IL1RL2: variants seen among roughly 807,000 people sequenced by gnomAD.
IL1RL2 encodes interleukin-1 receptor-like 2.
Under a neutral mutation model 66.8 loss-of-function variants are expected in IL1RL2, and 68 were observed. The observed-to-expected ratio is 1.02, with a 90% confidence interval of 0.84 to 1.25. IL1RL2 has a LOEUF of 1.25. Ranked by LOEUF, IL1RL2 falls within the 50% of genes most tolerant of loss-of-function variation. IL1RL2 has a pLI of 0.00. For synonymous variants in IL1RL2, 305 were observed against 264.6 expected, an observed-to-expected ratio of 1.15 and a Z score of -1.48; for missense variants, 729 against 709.3, an observed-to-expected ratio of 1.03 and a Z score of -0.32.
chr2:102,226,703 C>T (rs1372658983), intron 9 of IL1RL2, among the ~76,000 whole-genome samples: 4 of 147,922 alleles, frequency 2.7e-5, no homozygotes, highest in African/African-American at 1.0e-4. Context: ...GGAGGGAAAA[C>T]GGAGGGAAGA....
At chr2:102,188,943 C>G in intron 2 of IL1RL2, 133 bp from the exon 3 acceptor site, 1 of 643,076 alleles carries the variant, frequency 1.6e-6, no homozygotes, top group East Asian at 2.7e-5. Context: ...AGGAAACTTC[C>G]AGACTCAAGA....
chr2:102,234,786 C>CAAA, intron 10 of IL1RL2, 111 bp from the exon 11 acceptor site: 3 of 803,636 alleles, frequency 3.7e-6, no homozygotes, highest in Non-Finnish European at 5.5e-6. Flanking sequence ...GACTTCACTT[C>CAAA]AAAAAAAAAA....
At chr2:102,217,669 C>T (rs1308105455) in intron 6 of IL1RL2, among the ~76,000 whole-genome samples, 1 of 152,128 alleles carries the variant, frequency 6.6e-6, no homozygotes, top group East Asian at 1.9e-4. Context: ...GTGCCAGGAA[C>T]ACACATTAAA....
intron 5 of IL1RL2, among the ~76,000 whole-genome samples, chr2:102,210,841 G>C (rs1265869438): frequency 6.6e-6 from 1 of 152,192 alleles, no homozygotes; most frequent in Non-Finnish European, 1.5e-5. Flanking sequence ...ATGGAGCTTA[G>C]AGGAAGGACT....
At chr2:102,209,576 G>T (rs1688983275) in intron 5 of IL1RL2, among the ~76,000 whole-genome samples, 1 of 152,076 alleles carries the variant, frequency 6.6e-6, no homozygotes, top group African/African-American at 2.4e-5. Flanking sequence ...TGTGAGTATG[G>T]GGTGGGGAGG....
At chr2:102,216,917 G>A (rs555568624) in intron 6 of IL1RL2, among the ~76,000 whole-genome samples, 20 of 152,136 alleles carry the variant, frequency 1.3e-4, no homozygotes, top group East Asian at 5.8e-4. Context: ...TATACATTGC[G>A]TGTTCTTTAA....
intron 4 of IL1RL2, among the ~76,000 whole-genome samples, chr2:102,192,684 C>T (rs1208247675): frequency 6.6e-6 from 1 of 152,166 alleles, no homozygotes; most frequent in East Asian, 1.9e-4. Context: ...TCTTGATGAT[C>T]CTGGCATATG....
chr2:102,241,370 T>A (rs1488842789), downstream of IL1RL2, among the ~76,000 whole-genome samples: 2 of 152,110 alleles, frequency 1.3e-5, no homozygotes, highest in Non-Finnish European at 1.5e-5. Context: ...GCCCCTGGAC[T>A]CCAGTCACAA....
At position 102,234,904 on chromosome 2, in the gene IL1RL2, C is replaced by A. The variant is rs767353143; in HGVS notation, c.1305C>A (p.Ala435=). 1 of 1,611,012 alleles carries A rather than the reference C, an allele frequency of 6.2e-7. No individual in the cohort carries two copies. Among genetic ancestry groups the A allele is most frequent in the East Asian group, 2.2e-5 (1 of 44,790 alleles). ...TTCTTTCTTTATTTCCAGCCGTGGCCAATGTCATCGATGAAAACGTTAAGC... is the reference window on the plus strand; with the variant it reads ...TTCTTTCTTTATTTCCAGCCGTGGCAAATGTCATCGATGAAAACGTTAAGC... ...GRDEFPGQAV[A]NVIDENVKLC... Residue 435 remains alanine (A), a synonymous_variant, in exon 11 of 12, where the codon GCC becomes GCA. Coordinates refer to ENST00000264257, the MANE Select transcript of IL1RL2 (RefSeq NM_003854.4).
rs181132591 is a variant in IL1RL2 at position 102,209,461 on chromosome 2, A to C, written c.650-2639A>C. The stretch of plus-strand genomic sequence containing the variant: ...TTCACAAAAGTAAAGGAGGGTGAGG[A>C]GGGGTCTCTAGGCAGAGAGAACAGA... On this transcript the variant is annotated intron_variant, in intron 5 of 11. Transcript: ENST00000264257. Among the ~76,000 whole-genome samples, 233 of 152,110 alleles carry C rather than the reference A, an allele frequency of 1.5e-3. 1 individual carries two copies. Among genetic ancestry groups the C allele is most frequent in the Non-Finnish European group, 2.6e-3 (180 of 68,016 alleles).
At chr2:102,231,544 C>T (rs886325672) in intron 9 of IL1RL2, among the ~76,000 whole-genome samples, 16 of 146,880 alleles carry the variant, frequency 1.1e-4, no homozygotes, top group African/African-American at 1.8e-4. Flanking sequence ...AATCCAGGAG[C>T]GGTCCCATGT....
downstream of IL1RL2, among the ~76,000 whole-genome samples, chr2:102,241,698 T>C (rs933049775): frequency 1.3e-5 from 2 of 152,340 alleles, no homozygotes; most frequent in African/African-American, 2.4e-5. Context: ...AATTATCCTA[T>C]ATCCTCTCCA....
chr2:102,221,745 C>T (rs1052569211), intron 8 of IL1RL2, among the ~76,000 whole-genome samples: 1 of 152,184 alleles, frequency 6.6e-6, no homozygotes, highest in Admixed American at 6.5e-5. Context: ...TGTCACTCAA[C>T]CTCTCTGTGC....
At chr2:102,187,301 G>A (rs1686765931) in intron 1 of IL1RL2, 6 of 1,174,850 alleles carry the variant, frequency 5.1e-6, no homozygotes, top group African/African-American at 1.6e-5. Context: ...AGCTCCAGCG[G>A]CTCCCTGCCT....
Position 102,189,873 on chromosome 2 carries a change from C to T in IL1RL2, c.293+563C>T, listed in dbSNP as rs1225203065. On this transcript the variant is annotated intron_variant, in intron 3 of 11. Coordinates refer to ENST00000264257, the MANE Select transcript of IL1RL2 (RefSeq NM_003854.4). ...TTCACCGTGTTAGCTAGGATGATCT[C>T]GAGCTACTGAACTCGTGATCCGCCC... Among the ~76,000 whole-genome samples, 3 of 152,280 alleles carry T rather than the reference C, an allele frequency of 2.0e-5. 1 individual carries two copies. The highest frequency in any genetic ancestry group is 7.2e-5 in the African/African-American group (3 of 41,566).
chr2:102,203,134 C>T (rs1922300), intron 5 of IL1RL2, among the ~76,000 whole-genome samples: 148,671 of 152,320 alleles, frequency 0.98, 72,572 homozygotes, highest in East Asian at 1. Flanking sequence ...ATTGCAATGA[C>T]CATATGGTTT....
At chr2:102,200,117 CAAAAAAAA>C (rs35208716) in intron 4 of IL1RL2, among the ~76,000 whole-genome samples, 1 of 95,148 alleles carries the variant, frequency 1.1e-5, no homozygotes, top group Non-Finnish European at 2.1e-5. Flanking sequence ...CCTGTTCCAG[CAAAAAAAA>C]AAAAAAAAAA....
intron 9 of IL1RL2, among the ~76,000 whole-genome samples, chr2:102,230,246 A>G (rs3771181): frequency 0.16 from 23,767 of 152,206 alleles, 2,320 homozygotes; most frequent in Admixed American, 0.29. Flanking sequence ...AACTTATGAA[A>G]TGTTTCTTTT....
intron 9 of IL1RL2, among the ~76,000 whole-genome samples, chr2:102,231,671 A>T (rs1436431253): frequency 6.6e-6 from 1 of 151,724 alleles, no homozygotes; most frequent in African/African-American, 2.4e-5. Context: ...ACTTCTGTGC[A>T]TGTGGATGGT....
Sources: allele counts gnomAD v4.1 joint callset (sites outside exome capture counted in the v4.1 genomes callset), GRCh38; gene constraint gnomAD v4.1.1; transcripts MANE v1.5; gene names NCBI Gene and HGNC (gene_info 2026-07-23, HGNC 2026-07-21).